Variants in ZNF536 observed in about 807,000 individuals in gnomAD.
The protein encoded by ZNF536 is zinc finger protein 536.
In ZNF536, 13 loss-of-function variants were observed where a neutral mutation model predicts 84.5. The observed-to-expected ratio is 0.15, with a 90% CI of 0.10 to 0.24. ZNF536 has a LOEUF of 0.24. ZNF536 is among the 10% of genes least tolerant of loss of function. The pLI, the probability that ZNF536 is intolerant of heterozygous loss-of-function variation, is 1.00. For missense variants in ZNF536, 1,536 were observed against 1,747.5 expected, an observed-to-expected ratio of 0.88 and a Z score of 2.16; for synonymous variants, 811 against 742.5, an observed-to-expected ratio of 1.09 and a Z score of -1.50.
chr19:30,269,298 A>T (rs1233098498), intron 1 of ZNF536, among the ~76,000 whole-genome samples: 2 of 152,156 alleles, frequency 1.3e-5, no homozygotes, highest in Non-Finnish European at 2.9e-5. Flanking sequence ...ACTCAGTGGG[A>T]GGCTCTGGGT....
intron 1 of ZNF536, among the ~76,000 whole-genome samples, chr19:30,618,727 C>A (rs1055003171): frequency 6.6e-6 from 1 of 151,870 alleles, no homozygotes; most frequent in African/African-American, 2.4e-5. Flanking sequence ...ACTCTCAAAT[C>A]TTTTTGTTGA....
chr19:30,585,751 TCCCTCCTGCCCTC>T (rs2047073682), intron 1 of ZNF536, among the ~76,000 whole-genome samples: 1 of 152,090 alleles, frequency 6.6e-6, no homozygotes, highest in South Asian at 2.1e-4. Flanking sequence ...CTGATGACCT[TCCCTCCTGCCCTC>T]CTACCCGTCA....
intron 2 of ZNF536, among the ~76,000 whole-genome samples, chr19:30,337,612 T>C (rs1050740938): frequency 2.0e-5 from 3 of 152,116 alleles, no homozygotes; most frequent in Admixed American, 1.3e-4. Flanking sequence ...CAGCCCATGG[T>C]GGGTCCCTAG....
intron 2 of ZNF536, among the ~76,000 whole-genome samples, chr19:30,530,019 A>G (rs1400158246): frequency 6.6e-6 from 1 of 152,204 alleles, no homozygotes; most frequent in African/African-American, 2.4e-5. Context: ...AGGGTGCATT[A>G]GGCAAGAGAG....
intron 3 of ZNF536, among the ~76,000 whole-genome samples, chr19:30,363,058 CA>C (rs34620914): frequency 0.015 from 2,069 of 141,546 alleles, 43 homozygotes; most frequent in African/African-American, 0.046. Flanking sequence ...GACTCCATCT[CA>C]AAAAAAAAAA....
chr19:30,658,162 C>G (rs1031742208), intron 1 of ZNF536, among the ~76,000 whole-genome samples: 2 of 152,092 alleles, frequency 1.3e-5, no homozygotes, highest in African/African-American at 4.8e-5. Flanking sequence ...GCTGGGACTA[C>G]AAGTGTGCAT....
intron 1 of ZNF536, among the ~76,000 whole-genome samples, chr19:30,270,674 C>T (rs959701431): frequency 1.3e-5 from 2 of 151,688 alleles, no homozygotes; most frequent in South Asian, 2.1e-4. Context: ...TATCATCTGA[C>T]TGATGAAGCC....
chr19:30,532,106 C>T (rs1385589082), intron 2 of ZNF536, among the ~76,000 whole-genome samples: 5 of 151,664 alleles, frequency 3.3e-5, no homozygotes, highest in African/African-American at 4.8e-5. Flanking sequence ...CAGGAGGCCC[C>T]GCAGGAATTA....
chr19:30,417,011 T>C (rs1395773716), intron 1 of ZNF536, among the ~76,000 whole-genome samples: 1 of 152,118 alleles, frequency 6.6e-6, no homozygotes, highest in Non-Finnish European at 1.5e-5. Flanking sequence ...TCTTGCTCTG[T>C]CATCCAGACT....
intron 2 of ZNF536, among the ~76,000 whole-genome samples, chr19:30,336,113 C>G (rs2047375397): frequency 1.3e-5 from 2 of 152,180 alleles, no homozygotes; most frequent in African/African-American, 4.8e-5. Flanking sequence ...CTGGTCAGTG[C>G]CTACTGAGCG....
At chr19:30,477,702 C>T (rs1390965304) in intron 2 of ZNF536, among the ~76,000 whole-genome samples, 1 of 152,170 alleles carries the variant, frequency 6.6e-6, no homozygotes, top group East Asian at 1.9e-4. Context: ...CTGTGCTTTG[C>T]TGAAGACAGC....
chr19:30,285,266 T>G (rs1409820070), intron 2 of ZNF536, among the ~76,000 whole-genome samples: 1 of 152,220 alleles, frequency 6.6e-6, no homozygotes. Flanking sequence ...TTTAACATAT[T>G]TAATGAAATT....
At chr19:30,312,996 C>T (rs1262148904) in intron 2 of ZNF536, among the ~76,000 whole-genome samples, 1 of 152,264 alleles carries the variant, frequency 6.6e-6, no homozygotes, top group African/African-American at 2.4e-5. Context: ...ATACTTCTCT[C>T]CTTCCTATCA....
intron 2 of ZNF536, among the ~76,000 whole-genome samples, chr19:30,351,011 C>A (rs1310389798): frequency 4.6e-5 from 7 of 152,102 alleles, no homozygotes; most frequent in African/African-American, 1.7e-4. Context: ...CTATTTAATA[C>A]AATTTAATGT....
chr19:30,307,865 G>A (rs2046387905), intron 2 of ZNF536, among the ~76,000 whole-genome samples: 2 of 152,188 alleles, frequency 1.3e-5, no homozygotes, highest in African/African-American at 2.4e-5. Flanking sequence ...AGAAAGCAGC[G>A]TAACTTGGCC....
At chr19:30,554,251 CTTTTTTTTTTTTTTT>C (rs910609326) in intron 4 of ZNF536, 1 of 83,982 alleles carries the variant, frequency 1.2e-5, no homozygotes, top group African/African-American at 4.8e-5. Context: ...AGAATACCTA[CTTTTTTTTTTTTTTT>C]TTTTTTTTTG....
chr19:30,442,802 C>T (rs921289670), intron 1 of ZNF536, among the ~76,000 whole-genome samples: 1 of 152,192 alleles, frequency 6.6e-6, no homozygotes, highest in Non-Finnish European at 1.5e-5. Flanking sequence ...TAATATACCT[C>T]GTTAATGCTT....
intron 2 of ZNF536, among the ~76,000 whole-genome samples, chr19:30,513,125 A>AT (rs200024610): frequency 3.3e-5 from 5 of 152,122 alleles, no homozygotes; most frequent in Admixed American, 6.5e-5. Flanking sequence ...AATGGAAAGC[A>AT]TTTTTTTTAT....
At chr19:30,517,790 A>G (rs1338437973) in intron 2 of ZNF536, among the ~76,000 whole-genome samples, 1 of 152,152 alleles carries the variant, frequency 6.6e-6, no homozygotes, top group South Asian at 2.1e-4. Context: ...TCAAAAAAAT[A>G]ATAAATACAT....
Sources: gnomAD v4.1 joint callset for allele counts (sites outside exome capture counted in the v4.1 genomes callset) on GRCh38, gnomAD v4.1.1 for gene constraint, MANE v1.5 for transcripts, NCBI Gene and HGNC (gene_info 2026-07-23, HGNC 2026-07-21) for gene names.